The following PIAS2 variants were observed in gnomAD, a reference collection of about 807,000 sequenced individuals.
The protein encoded by PIAS2 is protein inhibitor of activated STAT 2.
Under a neutral mutation model 69.7 loss-of-function variants are expected in PIAS2, and 19 were observed. The ratio of observed to expected loss-of-function variants is 0.27; its 90% CI spans 0.19 to 0.40. The LOEUF (loss-of-function observed/expected upper bound fraction) is 0.40. Ranked by LOEUF, PIAS2 falls within the 10% of genes least tolerant of loss-of-function variation. The probability of loss-of-function intolerance (pLI) is 1.00; values close to 1 mark genes in which losing one functional copy is unlikely to be tolerated. For missense variants in PIAS2, 624 were observed against 757.0 expected (o/e 0.82, Z 2.06); for synonymous variants, 261 against 263.2 (o/e 0.99, Z 0.08).
At chr18:46,830,282 G>A (rs1336363958) in intron 9 of PIAS2, among the ~76,000 whole-genome samples, 1 of 151,906 alleles carries the variant, frequency 6.6e-6, no homozygotes, top group East Asian at 1.9e-4. Flanking sequence ...AGGGGAAGGA[G>A]GGAAGAAAAG....
intron 1 of PIAS2, among the ~76,000 whole-genome samples, chr18:46,897,490 T>A (rs902180552): frequency 2.6e-5 from 4 of 152,182 alleles, no homozygotes; most frequent in Non-Finnish European, 5.9e-5. Context: ...TTAAATATAG[T>A]AATGTTTCAT....
chr18:46,907,181 G>A (rs1350993573), intron 1 of PIAS2, among the ~76,000 whole-genome samples: 1 of 152,208 alleles, frequency 6.6e-6, no homozygotes, highest in African/African-American at 2.4e-5. Context: ...AACATAACCA[G>A]CAAGAGATGG....
intron 2 of PIAS2, among the ~76,000 whole-genome samples, chr18:46,871,843 C>T (rs1568635843): frequency 2.6e-5 from 4 of 152,162 alleles, no homozygotes; most frequent in African/African-American, 7.2e-5. Flanking sequence ...ATTAGGAAGA[C>T]ATTTAATGCT....
In PIAS2 at chr18:46,804,876, T is replaced by C. The variant is rs1334413473; in HGVS notation, c.*7557A>G. 1 of 152,186 alleles carries C rather than the reference T, an allele frequency of 6.6e-6. No individual in the cohort carries two copies. Among genetic ancestry groups the C allele is most frequent in the Non-Finnish European group, 1.5e-5 (1 of 68,056 alleles). 9.4% of individuals were successfully genotyped at this position (152,186 alleles called of 1,614,324 possible). A position where few individuals can be genotyped will look rare whatever the true frequency, so the allele number is the denominator to read the frequency against. ...CTCAAATACTGGATGACTGAGACCA[T>C]TTGTAAGCCAAGAAAAGCAGCAGTA... On this transcript the variant is annotated 3_prime_UTR_variant, in exon 14 of 14. Coordinates refer to ENST00000585916, the MANE Select transcript of PIAS2 (RefSeq NM_004671.5).
At chr18:46,853,809 T>TG (rs1198940017) in intron 5 of PIAS2, 1 of 150,540 alleles carries the variant, frequency 6.6e-6, no homozygotes, top group Non-Finnish European at 1.5e-5. Context: ...GGGAGGGGAG[T>TG]GGGAAAAAAA....
chr18:46,883,481 T>C (rs144038349), intron 2 of PIAS2, among the ~76,000 whole-genome samples: 221 of 151,990 alleles, frequency 1.5e-3, no homozygotes, highest in Non-Finnish European at 1.6e-3. Flanking sequence ...GGCAGAAGGA[T>C]AGCTTGACCT....
chr18:46,909,547 C>T (rs897670237), intron 1 of PIAS2, among the ~76,000 whole-genome samples: 1 of 152,152 alleles, frequency 6.6e-6, no homozygotes, highest in Admixed American at 6.5e-5. Context: ...CATGCCCAAC[C>T]GATAAAACCT....
Position 46,805,369 on chromosome 18 carries a change from A to G in PIAS2, c.*7064T>C, listed in dbSNP as rs1276109082. ...ATAAATCATCTATAGAATGTTCAAG[A>G]TATTAATAATAATGACCAGAATCAA... On this transcript the variant is annotated 3_prime_UTR_variant, in exon 14 of 14. Transcript: ENST00000585916. The G allele has an allele frequency of 1.3e-5, 2 of 152,192 alleles. No homozygotes were observed. Among genetic ancestry groups the G allele is most frequent in the Non-Finnish European group, 2.9e-5 (2 of 68,034 alleles). 9.4% of individuals were successfully genotyped at this position (152,192 alleles called of 1,614,324 possible).
chr18:46,848,670 TCTGA>T (rs2046502628), intron 5 of PIAS2, among the ~76,000 whole-genome samples: 1 of 151,956 alleles, frequency 6.6e-6, no homozygotes, highest in African/African-American at 2.4e-5. Context: ...GCAACAAAAT[TCTGA>T]AAATCATTAA....
chr18:46,814,793 C>T (rs779415255), intron 13 of PIAS2, among the ~76,000 whole-genome samples: 2 of 152,260 alleles, frequency 1.3e-5, no homozygotes, highest in East Asian at 3.9e-4. Flanking sequence ...GTTGGGACAC[C>T]GAGCTACTAG....
chr18:46,890,239 G>C (rs1046568303), intron 2 of PIAS2, among the ~76,000 whole-genome samples: 1 of 152,222 alleles, frequency 6.6e-6, no homozygotes, highest in African/African-American at 2.4e-5. Context: ...AGCTTCAGAA[G>C]ATGAAAAGAG....
chr18:46,846,558 A>G (rs1047718433), intron 6 of PIAS2, 149 bp downstream of exon 6: 24 of 659,746 alleles, frequency 3.6e-5, no homozygotes, highest in Non-Finnish European at 5.5e-5. Context: ...AAGAATCTCC[A>G]CACTGCCACC....
intron 11 of PIAS2, among the ~76,000 whole-genome samples, chr18:46,822,683 T>G (rs567911309): frequency 3.3e-5 from 5 of 152,108 alleles, no homozygotes; most frequent in East Asian, 3.9e-4. Flanking sequence ...CAGGACATCA[T>G]CAAAAGTTTT....
rs1460623901 is a variant in PIAS2, at chr18:46,810,558, T to C, written c.*1875A>G. 6.6e-6 allele frequency: 1 copy of C among 152,186 alleles called. No homozygotes were observed. Among genetic ancestry groups the C allele is most frequent in the Non-Finnish European group, 1.5e-5 (1 of 68,036 alleles). 9.4% of individuals were successfully genotyped at this position (152,186 alleles called of 1,614,324 possible). On this transcript the variant is annotated 3_prime_UTR_variant, in exon 14 of 14. Transcript: ENST00000585916. ...GGTAAAACTGGCAACTATGTGCAAC[T>C]ACTGCTCGTAGATTTGGGTTTGTTT...
chr18:46,897,540 T>G (rs2055090537), intron 1 of PIAS2, among the ~76,000 whole-genome samples: 1 of 152,314 alleles, frequency 6.6e-6, no homozygotes, highest in African/African-American at 2.4e-5. Flanking sequence ...TGATCTCCTT[T>G]AAAGGATGTT....
intron 1 of PIAS2, chr18:46,893,656 TA>T (rs1810650076): frequency 6.4e-6 from 1 of 155,052 alleles, no homozygotes; most frequent in Non-Finnish European, 1.4e-5. Flanking sequence ...AAAGATAAAG[TA>T]TTGCTGGACA....
chr18:46,865,965 T>A (rs534214730), intron 2 of PIAS2, among the ~76,000 whole-genome samples: 1 of 152,342 alleles, frequency 6.6e-6, no homozygotes, highest in Admixed American at 6.5e-5. Flanking sequence ...AGGTCACCAA[T>A]GACCTCTTAA....
At chr18:46,818,364 T>A in intron 12 of PIAS2, 1 of 1,538,266 alleles carries the variant, frequency 6.5e-7, no homozygotes, top group Non-Finnish European at 8.7e-7. Context: ...AAATTATTTG[T>A]TTTATTTTGT....
chr18:46,861,311 A>T (rs1324979235), intron 3 of PIAS2, among the ~76,000 whole-genome samples: 1 of 152,210 alleles, frequency 6.6e-6, no homozygotes, highest in African/African-American at 2.4e-5. Context: ...TGTAAAAATA[A>T]AATAATCTCA....
Sources: gnomAD v4.1 joint callset for allele counts (sites outside exome capture counted in the v4.1 genomes callset) on GRCh38, gnomAD v4.1.1 for gene constraint, MANE v1.5 for transcripts, NCBI Gene and HGNC (gene_info 2026-07-23, HGNC 2026-07-21) for gene names.